The following MAD1L1 variants were observed in gnomAD, a reference collection of about 807,000 sequenced individuals.
The protein encoded by MAD1L1 is mitotic spindle assembly checkpoint protein MAD1.
In MAD1L1, 95 loss-of-function variants were observed where a neutral mutation model predicts 96.9. The ratio of observed to expected loss-of-function variants is 0.98; its 90% CI spans 0.83 to 1.16. MAD1L1 has a LOEUF of 1.16. Ranked by LOEUF, MAD1L1 falls within the 50% of genes most tolerant of loss-of-function variation. The probability of loss-of-function intolerance (pLI) is 0.00; values close to 1 mark genes in which losing one functional copy is unlikely to be tolerated. For missense variants in MAD1L1, 1,007 were observed against 954.4 expected (o/e 1.06, Z -0.73); for synonymous variants, 473 against 396.6 (o/e 1.19, Z -2.29).
chr7:1,993,694 G>A (rs909094563), intron 14 of MAD1L1, among the ~76,000 whole-genome samples: 1 of 152,320 alleles, frequency 6.6e-6, no homozygotes, highest in Non-Finnish European at 1.5e-5. Context: ...TTTCTAAAAT[G>A]CAGATGATCC....
chr7:2,007,812 G>T (rs1001587821), intron 13 of MAD1L1, among the ~76,000 whole-genome samples: 5 of 152,242 alleles, frequency 3.3e-5, no homozygotes, highest in African/African-American at 1.2e-4. Context: ...GCAAGAATGG[G>T]AAACCACCCT....
At chr7:1,932,404 T>C (rs1346625417) in intron 17 of MAD1L1, among the ~76,000 whole-genome samples, 2 of 152,236 alleles carry the variant, frequency 1.3e-5, no homozygotes, top group Non-Finnish European at 2.9e-5. Flanking sequence ...GTGCATCCTC[T>C]GCCAGCTTCC....
chr7:2,215,246 C>T (rs546741782), intron 9 of MAD1L1, among the ~76,000 whole-genome samples: 4 of 151,904 alleles, frequency 2.6e-5, no homozygotes, highest in African/African-American at 7.3e-5. Flanking sequence ...GGTGTGGTGG[C>T]GCACGCCTGT....
At chr7:2,112,606 G>A (rs1297994313) in intron 11 of MAD1L1, among the ~76,000 whole-genome samples, 1 of 152,204 alleles carries the variant, frequency 6.6e-6, no homozygotes. Flanking sequence ...CTGACACCTG[G>A]GCTTCTCAAG....
intron 11 of MAD1L1, among the ~76,000 whole-genome samples, chr7:2,074,942 G>A (rs890838445): frequency 2.0e-5 from 3 of 152,220 alleles, no homozygotes; most frequent in African/African-American, 7.2e-5. Flanking sequence ...CTCATTCGTG[G>A]TCAGCCCAGT....
chr7:2,000,484 G>A (rs967567147), intron 14 of MAD1L1, among the ~76,000 whole-genome samples: 9 of 152,126 alleles, frequency 5.9e-5, no homozygotes, highest in South Asian at 2.1e-4. Flanking sequence ...CGCGGACCCC[G>A]CTTCTGTCAC....
intron 14 of MAD1L1, among the ~76,000 whole-genome samples, chr7:1,989,712 T>C (rs986178877): frequency 9.2e-5 from 14 of 151,780 alleles, no homozygotes; most frequent in Admixed American, 2.6e-4. Context: ...TCAGCATGGA[T>C]CAGCCTCAGC....
At chr7:1,997,944 G>A (rs922620579) in intron 14 of MAD1L1, among the ~76,000 whole-genome samples, 1 of 143,900 alleles carries the variant, frequency 6.9e-6, no homozygotes, top group Non-Finnish European at 1.5e-5. Flanking sequence ...CCCAGGGAGG[G>A]GTAAAATCAT....
At chr7:2,086,096 G>A (rs543136317) in intron 11 of MAD1L1, among the ~76,000 whole-genome samples, 31 of 152,272 alleles carry the variant, frequency 2.0e-4, no homozygotes, top group Middle Eastern at 6.8e-3. Context: ...GGCAAGACCC[G>A]TCACCTCCCT....
Position 1,939,522 on chromosome 7 carries a change from ACCAT to A in MAD1L1, c.1597-2629_1597-2626del, listed in dbSNP as rs1472766967. Among the ~76,000 whole-genome samples the A allele has an allele frequency of 2.5e-3, 368 of 148,842 alleles. 6 individuals are homozygous for A. The East Asian group carries it at 0.058, about 24-fold the overall frequency. On this transcript the variant is annotated intron_variant, in intron 16 of 18. Transcript: ENST00000265854. ...ATGGGTCATGTCAGGCACAGACATG[ACCAT>A]GGTCATGACATGGGTCATGTCAGGC... is the stretch of plus-strand genomic sequence containing the variant.
chr7:1,898,223 G>T lies in MAD1L1; in HGVS notation c.1975C>A (p.Pro659Thr), dbSNP rs1787013339. 1 of 1,612,778 alleles carries T rather than the reference G, an allele frequency of 6.2e-7. No individual in the cohort carries two copies. Among genetic ancestry groups the T allele is most frequent in the Admixed American group, 1.7e-5 (1 of 59,822 alleles). Residue 659 changes from proline to threonine, a missense_variant, in exon 18 of 19, where the codon CCA becomes ACA. Coordinates refer to ENST00000265854, the MANE Select transcript of MAD1L1 (RefSeq NM_001013836.2). ...ACCTTGAAGATGAGGCAGTCGCCTG[G>T]GTGCTCGGCGTACAGCGAGGTCAGC... ...YRLTSLYAEH[P>T]GDCLIFKATS... is the part of the protein sequence containing the mutation.
intron 18 of MAD1L1, among the ~76,000 whole-genome samples, chr7:1,821,000 G>A (rs559142014): frequency 3.2e-4 from 46 of 145,392 alleles, no homozygotes; most frequent in African/African-American, 1.1e-3. Flanking sequence ...AGAATGGCAT[G>A]AACCCAGGAG....
At chr7:1,869,875 C>A (rs542958180) in intron 18 of MAD1L1, among the ~76,000 whole-genome samples, 5 of 152,186 alleles carry the variant, frequency 3.3e-5, no homozygotes, top group Non-Finnish European at 5.9e-5. Context: ...CAGCTGCTGA[C>A]GGAGGACCCA....
intron 16 of MAD1L1, among the ~76,000 whole-genome samples, chr7:1,956,709 G>A (rs920422684): frequency 3.9e-5 from 6 of 152,208 alleles, no homozygotes; most frequent in African/African-American, 7.2e-5. Flanking sequence ...GGAGTGCTCC[G>A]CTAGTGAGCT....
chr7:2,025,164 A>C (rs1290539302), intron 12 of MAD1L1, among the ~76,000 whole-genome samples: 1 of 152,244 alleles, frequency 6.6e-6, no homozygotes, highest in East Asian at 1.9e-4. Flanking sequence ...CTGTCTTCTT[A>C]GTTTTTCTGT....
rs1780854880 is a variant in MAD1L1 at position 1,980,529 on chromosome 7, G to C, written c.1429C>G (p.Leu477Val). The C allele has an allele frequency of 1.2e-6, 2 of 1,612,490 alleles. No individual in the cohort carries two copies. The highest frequency in any genetic ancestry group is 1.7e-5 in the Admixed American group (1 of 59,880). ...CTGGACTGAGACTTCAGCATCTTCA[G>C]CTCCATCTCCAGCTAGGAGAAAGCA... ...KQRADMLEMELKMLKSQSSSA... is the reference protein window; with the variant it reads ...KQRADMLEMEVKMLKSQSSSA... The change falls in exon 15 of 19, where the codon CTG (leucine) becomes GTG (valine). Residue 477 changes from leucine (L) to valine (V), a missense_variant. By Grantham distance (32) the Leu-to-Val change is conservative. Transcript: ENST00000265854.
chr7:2,052,343 A>G (rs1784217679), intron 12 of MAD1L1, among the ~76,000 whole-genome samples: 1 of 152,216 alleles, frequency 6.6e-6, no homozygotes, highest in Non-Finnish European at 1.5e-5. Context: ...CACAGTTGGT[A>G]ACAGCCTCAG....
chr7:2,145,407 G>A (rs1489219858), intron 11 of MAD1L1, among the ~76,000 whole-genome samples: 1 of 152,186 alleles, frequency 6.6e-6, no homozygotes, highest in Non-Finnish European at 1.5e-5. Context: ...TGCAGCACAG[G>A]TGCCACCGTG....
At chr7:1,923,970 T>A (rs1222586995) in intron 17 of MAD1L1, among the ~76,000 whole-genome samples, 10 of 152,050 alleles carry the variant, frequency 6.6e-5, no homozygotes. Flanking sequence ...CAACAGAAAT[T>A]TACATTCTCC....
Sources: allele counts gnomAD v4.1 joint callset (sites outside exome capture counted in the v4.1 genomes callset), GRCh38; gene constraint gnomAD v4.1.1; transcripts MANE v1.5; gene names NCBI Gene and HGNC (gene_info 2026-07-23, HGNC 2026-07-21).